Variants in LUZP2 observed in about 807,000 individuals in gnomAD.
LUZP2 encodes the protein leucine zipper protein 2.
In LUZP2, 52 loss-of-function variants were observed where a neutral mutation model predicts 51.6. That is an observed-to-expected ratio of 1.01 (90% CI 0.81 to 1.27). LUZP2 has a LOEUF of 1.27. Ranked by LOEUF, LUZP2 falls within the 50% of genes most tolerant of loss-of-function variation. The probability of loss-of-function intolerance (pLI) is 0.00; values close to 1 mark genes in which losing one functional copy is unlikely to be tolerated. For missense variants in LUZP2, 436 were observed against 395.4 expected, an observed-to-expected ratio of 1.10 and a Z score of -0.87; for synonymous variants, 154 against 137.3, an observed-to-expected ratio of 1.12 and a Z score of -0.85.
intron 2 of LUZP2, among the ~76,000 whole-genome samples, chr11:24,729,703 CA>C (rs998942887): frequency 1.3e-5 from 2 of 151,850 alleles, no homozygotes; most frequent in Admixed American, 6.6e-5. Context: ...CTTTAAAAGG[CA>C]AGTGGCATCT....
chr11:24,502,930 T>C (rs1564956057), intron 1 of LUZP2, among the ~76,000 whole-genome samples: 1 of 152,246 alleles, frequency 6.6e-6, no homozygotes. Context: ...TTTTTATGAC[T>C]TTATTTTCTA....
At chr11:25,033,499 G>C (rs1857760701) in intron 9 of LUZP2, among the ~76,000 whole-genome samples, 1 of 152,084 alleles carries the variant, frequency 6.6e-6, no homozygotes, top group African/African-American at 2.4e-5. Context: ...TGATGTCGAG[G>C]CTTGGGGTAG....
At chr11:24,589,381 C>G (rs888047736) in intron 1 of LUZP2, among the ~76,000 whole-genome samples, 4 of 152,140 alleles carry the variant, frequency 2.6e-5, no homozygotes, top group Non-Finnish European at 5.9e-5. Context: ...AAATTTAACA[C>G]CCTTAATTTC....
chr11:25,031,323 A>G (rs938412604), intron 9 of LUZP2, among the ~76,000 whole-genome samples: 10 of 151,762 alleles, frequency 6.6e-5, no homozygotes, highest in African/African-American at 2.4e-4. Flanking sequence ...TGTATTTTTG[A>G]TACCGTTTGA....
chr11:25,015,547 A>G (rs530390985), intron 9 of LUZP2, among the ~76,000 whole-genome samples: 1 of 152,172 alleles, frequency 6.6e-6, no homozygotes, highest in South Asian at 2.1e-4. Context: ...ATGGCCTGAT[A>G]CATTTGAGGG....
chr11:24,663,531 T>C (rs1856095328), intron 1 of LUZP2, among the ~76,000 whole-genome samples: 2 of 152,234 alleles, frequency 1.3e-5, no homozygotes, highest in South Asian at 4.1e-4. Flanking sequence ...AGTGTGACTT[T>C]CTTCTCAAGA....
chr11:24,647,316 A>T (rs1855492024), intron 1 of LUZP2, among the ~76,000 whole-genome samples: 1 of 152,010 alleles, frequency 6.6e-6, no homozygotes, highest in Non-Finnish European at 1.5e-5. Context: ...ATGTATTAAT[A>T]AAATTTATAC....
intron 1 of LUZP2, among the ~76,000 whole-genome samples, chr11:24,534,865 T>G (rs947968077): frequency 6.6e-6 from 1 of 151,560 alleles, no homozygotes; most frequent in Non-Finnish European, 1.5e-5. Flanking sequence ...TCCTTGGCAA[T>G]GCAGGTCCTT....
chr11:24,939,057 TTCTC>T (rs372624492), intron 7 of LUZP2, among the ~76,000 whole-genome samples: 2,411 of 151,738 alleles, frequency 0.016, 35 homozygotes, highest in African/African-American at 0.041. Context: ...GAAAGGATTT[TTCTC>T]TCTCTCTCTC....
chr11:24,632,867 C>T (rs1391996797), intron 1 of LUZP2, among the ~76,000 whole-genome samples: 1 of 152,004 alleles, frequency 6.6e-6, no homozygotes, highest in African/African-American at 2.4e-5. Context: ...TATTAGTACT[C>T]ACCCAATCTT....
chr11:24,682,525 AGTAGGTTCAGTGTGTATATG>A (rs1428893031), intron 1 of LUZP2, among the ~76,000 whole-genome samples: 10 of 106 alleles, frequency 0.094, no homozygotes, highest in African/African-American at 0.28. Context: ...ATGCAAATTC[AGTAGGTTCAGTGTGTATATG>A]TATATATACA....
intron 1 of LUZP2, among the ~76,000 whole-genome samples, chr11:24,678,700 G>A (rs957319681): frequency 2.0e-5 from 3 of 152,114 alleles, no homozygotes; most frequent in African/African-American, 7.2e-5. Context: ...TTTAATACAT[G>A]CCTATTAACT....
At chr11:24,716,671 C>T (rs755022395) in intron 1 of LUZP2, among the ~76,000 whole-genome samples, 9 of 152,042 alleles carry the variant, frequency 5.9e-5, no homozygotes, top group African/African-American at 1.9e-4. Context: ...CCAAGGCGGA[C>T]GGATCACCTG....
chr11:24,658,596 C>G (rs1205169650), intron 1 of LUZP2, among the ~76,000 whole-genome samples: 2 of 152,138 alleles, frequency 1.3e-5, no homozygotes, highest in African/African-American at 2.4e-5. Flanking sequence ...AAATAAAGAG[C>G]TTCTGCACAG....
chr11:24,682,873 G>A (rs1300373895), intron 1 of LUZP2, among the ~76,000 whole-genome samples: 7 of 151,552 alleles, frequency 4.6e-5, no homozygotes, highest in South Asian at 2.1e-4. Flanking sequence ...GCGTGATGGC[G>A]CGTGCCTCTA....
At chr11:24,761,406 C>T (rs553878145) in intron 4 of LUZP2, among the ~76,000 whole-genome samples, 1 of 152,282 alleles carries the variant, frequency 6.6e-6, no homozygotes, top group African/African-American at 2.4e-5. Flanking sequence ...TCACCTGCCA[C>T]CAGGTCCTAG....
intron 1 of LUZP2, among the ~76,000 whole-genome samples, chr11:24,725,563 G>T (rs1030949361): frequency 6.6e-6 from 1 of 151,660 alleles, no homozygotes; most frequent in Non-Finnish European, 1.5e-5. Context: ...TAAAGAAAAA[G>T]GATTAATCTA....
At chr11:24,566,621 TATAC>T (rs1458077474) in intron 1 of LUZP2, among the ~76,000 whole-genome samples, 2 of 136,660 alleles carry the variant, frequency 1.5e-5, no homozygotes, top group Non-Finnish European at 3.1e-5. Flanking sequence ...TATGTATAGA[TATAC>T]ACACACACAC....
intron 1 of LUZP2, among the ~76,000 whole-genome samples, chr11:24,698,520 C>G (rs1414376906): frequency 3.3e-5 from 5 of 152,230 alleles, no homozygotes; most frequent in Admixed American, 2.6e-4. Context: ...TTTGATCTCT[C>G]TTGTTTAAAA....
Sources: gnomAD v4.1 joint callset for allele counts (sites outside exome capture counted in the v4.1 genomes callset) on GRCh38, gnomAD v4.1.1 for gene constraint, MANE v1.5 for transcripts, NCBI Gene and HGNC (gene_info 2026-07-23, HGNC 2026-07-21) for gene names.